Variants in EPHA6 observed in about 807,000 individuals in gnomAD.
EPHA6 encodes the protein EPH receptor A6.
Under a neutral mutation model 112.0 loss-of-function variants are expected in EPHA6, and 50 were observed. The ratio of observed to expected loss-of-function variants is 0.45; its 90% CI spans 0.36 to 0.56. The LOEUF (loss-of-function observed/expected upper bound fraction) is 0.56. Ranked by LOEUF, EPHA6 falls within the 20% of genes least tolerant of loss-of-function variation. EPHA6 has a pLI of 0.00. For missense variants in EPHA6, 1,280 were observed against 1,417.4 expected (o/e 0.90, Z 1.56); for synonymous variants, 529 against 490.7 (o/e 1.08, Z -1.03).
At chr3:96,979,360 T>G (rs1330418371) in intron 2 of EPHA6, among the ~76,000 whole-genome samples, 2 of 152,128 alleles carry the variant, frequency 1.3e-5, no homozygotes, top group African/African-American at 4.8e-5. Flanking sequence ...TTCATCCATG[T>G]CCCTACAAAG....
intron 14 of EPHA6, among the ~76,000 whole-genome samples, chr3:97,653,503 G>T (rs558977366): frequency 4.0e-5 from 6 of 151,894 alleles, no homozygotes; most frequent in Non-Finnish European, 8.8e-5. Context: ...ACAAAAAATA[G>T]CAAGTGGTGG....
At chr3:97,625,662 T>C (rs966681109) in intron 13 of EPHA6, among the ~76,000 whole-genome samples, 1 of 151,760 alleles carries the variant, frequency 6.6e-6, no homozygotes, top group Non-Finnish European at 1.5e-5. Context: ...ATTCTGTCAA[T>C]TTTTGTTTCA....
At chr3:97,621,409 CT>C (rs2107503402) in intron 13 of EPHA6, among the ~76,000 whole-genome samples, 1 of 152,022 alleles carries the variant, frequency 6.6e-6, no homozygotes, top group Non-Finnish European at 1.5e-5. Flanking sequence ...ACATGTACCC[CT>C]GAACTTAAAA....
chr3:97,683,931 G>C (rs541550953), intron 14 of EPHA6, among the ~76,000 whole-genome samples: 7 of 152,064 alleles, frequency 4.6e-5, no homozygotes, highest in Non-Finnish European at 7.4e-5. Context: ...ATCAATCATA[G>C]GCAAAGAGAA....
intron 3 of EPHA6, among the ~76,000 whole-genome samples, chr3:97,077,396 A>C (rs957001581): frequency 2.6e-5 from 4 of 151,920 alleles, no homozygotes; most frequent in South Asian, 2.1e-4. Context: ...TGCAATCTAT[A>C]TATATATATA....
At position 97,720,871 on chromosome 3, in the gene EPHA6, T is replaced by C. The variant is rs558398377; in HGVS notation, c.2934+461T>C. Among the ~76,000 whole-genome samples, 7 of 152,320 alleles carry C rather than the reference T, an allele frequency of 4.6e-5. No individual in the cohort carries two copies. In the South Asian group the frequency reaches 1.5e-3, roughly 32 times the overall value. On this transcript the variant is annotated intron_variant, in intron 15 of 17. Coordinates refer to ENST00000389672, the MANE Select transcript of EPHA6 (RefSeq NM_001080448.3). ...TATGTGCCATCTAGTACGGTTCTTT[T>C]GATATGCATGACCCCTAATGCAAAC...
intron 2 of EPHA6, among the ~76,000 whole-genome samples, chr3:96,876,583 AC>A (rs1397367712): frequency 6.6e-6 from 1 of 151,654 alleles, no homozygotes; most frequent in Non-Finnish European, 1.5e-5. Flanking sequence ...CTCCTTTCCT[AC>A]CGTTTAACCT....
At chr3:97,419,300 T>C (rs533554639) in intron 6 of EPHA6, among the ~76,000 whole-genome samples, 49 of 148,810 alleles carry the variant, frequency 3.3e-4, no homozygotes, top group African/African-American at 1.2e-3. Context: ...CAAAACTCCA[T>C]CACAAAAAAC....
chr3:97,627,418 G>C (rs2093867273), intron 13 of EPHA6, among the ~76,000 whole-genome samples: 1 of 151,836 alleles, frequency 6.6e-6, no homozygotes, highest in Non-Finnish European at 1.5e-5. Context: ...CTGAAACATG[G>C]CATTTGAGTA....
intron 2 of EPHA6, among the ~76,000 whole-genome samples, chr3:96,937,940 G>A (rs1341853617): frequency 2.0e-5 from 3 of 152,272 alleles, no homozygotes; most frequent in South Asian, 2.1e-4. Flanking sequence ...TTATTTCTGA[G>A]GGCTCTGTTC....
At chr3:97,166,041 G>A (rs2076533910) in intron 3 of EPHA6, among the ~76,000 whole-genome samples, 1 of 152,034 alleles carries the variant, frequency 6.6e-6, no homozygotes, top group Non-Finnish European at 1.5e-5. Context: ...TTTGGAATAG[G>A]CTTAGAATAT....
intron 3 of EPHA6, among the ~76,000 whole-genome samples, chr3:97,185,014 G>T (rs1449034519): frequency 6.6e-6 from 1 of 152,132 alleles, no homozygotes; most frequent in Non-Finnish European, 1.5e-5. Flanking sequence ...CTAGCCATAG[G>T]TAGAAAGCTG....
chr3:97,369,780 A>G (rs1262455414), intron 5 of EPHA6, among the ~76,000 whole-genome samples: 5 of 152,152 alleles, frequency 3.3e-5, no homozygotes, highest in African/African-American at 4.8e-5. Flanking sequence ...TATATTTTGT[A>G]TGTGGTAAAT....
At chr3:97,079,124 ATG>A (rs1392776501) in intron 3 of EPHA6, among the ~76,000 whole-genome samples, 1 of 152,310 alleles carries the variant, frequency 6.6e-6, no homozygotes, top group East Asian at 1.9e-4. Flanking sequence ...ATGCCCATCA[ATG>A]TTAGACTGAT....
At chr3:97,552,523 T>C (rs1316450192) in intron 11 of EPHA6, among the ~76,000 whole-genome samples, 2 of 152,146 alleles carry the variant, frequency 1.3e-5, no homozygotes, top group Admixed American at 1.3e-4. Context: ...AGGAGTGTAT[T>C]TTGTATGTGT....
At chr3:97,220,170 G>T (rs1183006663) in intron 3 of EPHA6, among the ~76,000 whole-genome samples, 1 of 152,144 alleles carries the variant, frequency 6.6e-6, no homozygotes, top group East Asian at 1.9e-4. Context: ...TCAGCATTTT[G>T]GTCTGAGTCA....
At chr3:96,921,200 A>G (rs1056671979) in intron 2 of EPHA6, among the ~76,000 whole-genome samples, 11 of 152,140 alleles carry the variant, frequency 7.2e-5, no homozygotes, top group Non-Finnish European at 2.9e-5. Flanking sequence ...GATAGGCAGT[A>G]TAGTGTAACT....
Position 97,570,834 on chromosome 3 carries a change from G to T in EPHA6, c.2387-21778G>T, listed in dbSNP as rs145292530. Among the ~76,000 whole-genome samples, 609 of 152,248 alleles carry T rather than the reference G, an allele frequency of 4.0e-3. 5 individuals are homozygous for T. Among genetic ancestry groups the T allele is most frequent in the African/African-American group, 0.013 (547 of 41,542 alleles). On this transcript the variant is annotated intron_variant, in intron 11 of 17. Coordinates refer to ENST00000389672, the MANE Select transcript of EPHA6 (RefSeq NM_001080448.3). ...TGAAGATTTTTAAGATAATAATGCT[G>T]CCTGAAGCAGGTGGTGTGCAGAATT...
intron 10 of EPHA6, among the ~76,000 whole-genome samples, chr3:97,511,795 T>A (rs1342365446): frequency 5.9e-5 from 9 of 152,126 alleles, no homozygotes; most frequent in African/African-American, 2.2e-4. Context: ...AGTGAAGAAA[T>A]GATTGTGTTC....
Sources: allele counts gnomAD v4.1 joint callset (sites outside exome capture counted in the v4.1 genomes callset), GRCh38; gene constraint gnomAD v4.1.1; transcripts MANE v1.5; gene names NCBI Gene and HGNC (gene_info 2026-07-23, HGNC 2026-07-21).